Variants in SGCD observed in about 807,000 individuals in gnomAD.
SGCD encodes the protein delta-sarcoglycan.
Under a neutral mutation model 36.6 loss-of-function variants are expected in SGCD, and 18 were observed. The observed-to-expected ratio is 0.49, with a 90% CI of 0.34 to 0.73. The LOEUF is 0.73. Ranked by LOEUF, SGCD falls within the 30% of genes least tolerant of loss-of-function variation. The probability of loss-of-function intolerance (pLI) is 0.01; values close to 1 mark genes in which losing one functional copy is unlikely to be tolerated. For synonymous variants in SGCD, 133 were observed against 130.6 expected (o/e 1.02, Z -0.12); for missense variants, 387 against 346.7 (o/e 1.12, Z -0.92).
In SGCD at chr5:156,280,343, CA is replaced by C. The variant is rs570367841; in HGVS notation, c.-43-49190del. On this transcript the variant is annotated intron_variant, in intron 3 of 9. Coordinates refer to the SGCD transcript ENST00000517913. ...TAGAGAGTGTCTGATTTCAGAATAA[CA>C]CACATGCAAAACAATGTACAATGAG... 1.8e-4 allele frequency among the ~76,000 whole-genome samples: 28 copies of C among 152,266 alleles called. No homozygotes were observed. The East Asian group carries it at 5.2e-3, about 28-fold the overall frequency.
intron 3 of SGCD, among the ~76,000 whole-genome samples, chr5:156,471,471 G>T (rs922319740): frequency 6.6e-6 from 1 of 152,064 alleles, no homozygotes; most frequent in Non-Finnish European, 1.5e-5. Flanking sequence ...AAAATATAAA[G>T]TCCAGAAATT....
intron 3 of SGCD, among the ~76,000 whole-genome samples, chr5:156,474,369 T>C (rs571235462): frequency 1.3e-5 from 2 of 152,370 alleles, no homozygotes; most frequent in African/African-American, 2.4e-5. Flanking sequence ...GGCTGTGCTA[T>C]GCACTTATGC....
chr5:155,756,036 G>A, the SGCD span, among the ~76,000 whole-genome samples: 2 of 152,206 alleles, frequency 1.3e-5, no homozygotes, highest in Non-Finnish European at 2.9e-5. Context: ...TGTATGTAAT[G>A]GATAAGAGTG....
chr5:156,047,644 TG>T (rs1380445460), intron 1 of SGCD, among the ~76,000 whole-genome samples: 1 of 152,092 alleles, frequency 6.6e-6, no homozygotes, highest in African/African-American at 2.4e-5. Flanking sequence ...ACTTACAGCT[TG>T]GGGGGGAAAA....
intron 7 of SGCD, among the ~76,000 whole-genome samples, chr5:156,719,914 C>T (rs73302892): frequency 0.028 from 4,220 of 151,664 alleles, 183 homozygotes; most frequent in African/African-American, 0.098. Flanking sequence ...ACTTGGGTCA[C>T]AAGGATTACA....
At chr5:156,684,011 G>A (rs1753815835) in intron 7 of SGCD, among the ~76,000 whole-genome samples, 1 of 152,190 alleles carries the variant, frequency 6.6e-6, no homozygotes, top group East Asian at 1.9e-4. Context: ...ATTGTCTCGT[G>A]TACAAAACTG....
In SGCD at chr5:156,084,118, C is replaced by T. The variant is rs74994384; in HGVS notation, c.-281-33760C>T. On this transcript the variant is annotated intron_variant, in intron 1 of 9. Transcript: ENST00000517913. ...TCAATTAAATTTAGAATAAGCTTGT[C>T]TGTGTCTACAAAAATTTTGCTTGGA... 9.1e-3 allele frequency among the ~76,000 whole-genome samples: 1,393 copies of T among 152,262 alleles called. 17 individuals carry two copies. Among genetic ancestry groups the T allele is most frequent in the African/African-American group, 0.026 (1,073 of 41,542 alleles).
At chr5:155,788,154 A>G in the SGCD span, among the ~76,000 whole-genome samples, 46 of 152,300 alleles carry the variant, frequency 3.0e-4, no homozygotes, top group Middle Eastern at 3.4e-3. Context: ...TTTTCAATTA[A>G]TACACTTATT....
the SGCD span, among the ~76,000 whole-genome samples, chr5:155,787,623 T>G: frequency 6.6e-6 from 1 of 152,124 alleles, no homozygotes; most frequent in African/African-American, 2.4e-5. Context: ...GCTACTTTAG[T>G]TTCCTTATTT....
the SGCD span, among the ~76,000 whole-genome samples, chr5:155,854,629 A>G: frequency 1.3e-5 from 2 of 152,156 alleles, no homozygotes; most frequent in African/African-American, 4.8e-5. Flanking sequence ...TAGAAGGTAA[A>G]AATGTTTGTA....
At position 156,267,981 on chromosome 5, in the gene SGCD, T is replaced by A. The variant is rs544929628; in HGVS notation, c.-43-61553T>A. 4.6e-5 allele frequency among the ~76,000 whole-genome samples: 7 copies of A among 152,306 alleles called. 1 individual carries two copies. Among genetic ancestry groups the A allele is most frequent in the African/African-American group, 1.7e-4 (7 of 41,572 alleles). On this transcript the variant is annotated intron_variant, in intron 3 of 9. Coordinates refer to the SGCD transcript ENST00000517913. ...TAGTTATTTTTTCCATTCTTCTCCCTCCCTGCACCCTCCACCCTCACGTAG... is the reference window on the plus strand; with the variant it reads ...TAGTTATTTTTTCCATTCTTCTCCCACCCTGCACCCTCCACCCTCACGTAG...
At chr5:156,484,425 A>G (rs1482114986) in intron 3 of SGCD, among the ~76,000 whole-genome samples, 2 of 152,232 alleles carry the variant, frequency 1.3e-5, no homozygotes, top group African/African-American at 2.4e-5. Context: ...TGTAAGTAAT[A>G]AAGAGCACAA....
At chr5:155,786,915 A>T in the SGCD span, among the ~76,000 whole-genome samples, 1 of 152,176 alleles carries the variant, frequency 6.6e-6, no homozygotes, top group African/African-American at 2.4e-5. Context: ...CTTTGAGAAC[A>T]TTAGCGATTG....
intron 3 of SGCD, among the ~76,000 whole-genome samples, chr5:156,156,777 G>A (rs1423510816): frequency 1.3e-5 from 2 of 151,370 alleles, no homozygotes; most frequent in South Asian, 2.1e-4. Context: ...GGAAATCACC[G>A]ACTTCTACTT....
chr5:156,028,805 T>A (rs1017071446), intron 1 of SGCD, among the ~76,000 whole-genome samples: 1 of 152,166 alleles, frequency 6.6e-6, no homozygotes, highest in African/African-American at 2.4e-5. Flanking sequence ...ATAATCGTCT[T>A]TCACAAGGAA....
intron 4 of SGCD, among the ~76,000 whole-genome samples, chr5:156,563,465 G>C (rs1233308291): frequency 6.6e-6 from 1 of 152,216 alleles, no homozygotes; most frequent in East Asian, 1.9e-4. Flanking sequence ...CTATGGGTCT[G>C]ACGCTGGAGC....
intron 1 of SGCD, among the ~76,000 whole-genome samples, chr5:156,013,081 A>T (rs1758894449): frequency 6.8e-6 from 1 of 147,274 alleles, no homozygotes. Flanking sequence ...GCTGGAGTGC[A>T]GTGGCACCAT....
intron 3 of SGCD, among the ~76,000 whole-genome samples, chr5:156,414,179 C>T (rs1772911777): frequency 6.6e-6 from 1 of 152,164 alleles, no homozygotes; most frequent in African/African-American, 2.4e-5. Flanking sequence ...TTCCAAAGCA[C>T]TCAAGGTAAA....
chr5:155,872,064 T>A (rs145490676), intron 1 of SGCD, among the ~76,000 whole-genome samples: 1 of 152,182 alleles, frequency 6.6e-6, no homozygotes, highest in East Asian at 1.9e-4. Context: ...TGTTAATGGA[T>A]TCATGGCAGC....
Sources: allele counts gnomAD v4.1 joint callset (sites outside exome capture counted in the v4.1 genomes callset), GRCh38; gene constraint gnomAD v4.1.1; transcripts MANE v1.5; gene names NCBI Gene and HGNC (gene_info 2026-07-23, HGNC 2026-07-21).